MYMX: variants seen among roughly 807,000 people sequenced by gnomAD.
MYMX encodes the protein protein myomixer.
the MYMX span, among the ~76,000 whole-genome samples, chr6:44,209,474 G>A: frequency 3.2e-3 from 490 of 152,262 alleles, 5 homozygotes; most frequent in African/African-American, 0.011. Flanking sequence ...CAACATTCAC[G>A]TGCTGTAAAA....
At chr6:44,207,827 G>A in the MYMX span, among the ~76,000 whole-genome samples, 12 of 152,140 alleles carry the variant, frequency 7.9e-5, no homozygotes, top group African/African-American at 1.4e-4. Flanking sequence ...CACTGTGCCC[G>A]GTCAGTAAAG....
chr6:44,205,808 C>CAA, the MYMX span, among the ~76,000 whole-genome samples: 3 of 148,734 alleles, frequency 2.0e-5, no homozygotes, highest in Admixed American at 6.7e-5. Context: ...GACTTCTTCT[C>CAA]AAAAAAAAAG....
At chr6:44,211,788 T>TTGTGTGTG in the MYMX span, among the ~76,000 whole-genome samples, 16,943 of 126,282 alleles carry the variant, frequency 0.13, 1,326 homozygotes, top group Middle Eastern at 0.21. Context: ...CAGCTAGGTT[T>TTGTGTGTG]TGTGTGTGTG....
chr6:44,206,005 A>AC, the MYMX span, among the ~76,000 whole-genome samples: 1 of 149,636 alleles, frequency 6.7e-6, no homozygotes, highest in African/African-American at 2.5e-5. Flanking sequence ...AAACAAAAAA[A>AC]AACCTCATTT....
chr6:44,214,928 C>A (rs1489650822), upstream of MYMX, among the ~76,000 whole-genome samples: 2 of 152,128 alleles, frequency 1.3e-5, no homozygotes, highest in Non-Finnish European at 2.9e-5. Flanking sequence ...TGTGTGTACC[C>A]AATGCACCTG....
the MYMX span, among the ~76,000 whole-genome samples, chr6:44,199,670 A>G: frequency 2.0e-5 from 3 of 146,616 alleles, no homozygotes; most frequent in African/African-American, 7.7e-5. Context: ...TGAATTTCTA[A>G]TTAATTTGGG....
rs1299397620 is a variant in MYMX, at chr6:44,217,560, T to G, written c.89T>G (p.Leu30Arg). Residue 30 changes from leucine to arginine, a missense_variant, in exon 2 of 2, where the codon CTG (leucine) becomes CGG (arginine). Transcript: ENST00000573382. ...PAARLARQYL[L>R]PLLRRLARRL... ...GCCCGCCTGGCCCGCCAATACCTCC[T>G]GCCCCTGCTGCGCCGATTGGCCCGC... 1 of 404,016 alleles carries G rather than the reference T, an allele frequency of 2.5e-6. No individual in the cohort carries two copies. Among genetic ancestry groups the G allele is most frequent in the African/African-American group, 2.1e-5 (1 of 48,750 alleles). 25.0% of individuals were successfully genotyped at this position (404,016 alleles called of 1,614,324 possible).
At chr6:44,211,790 G>T in the MYMX span, among the ~76,000 whole-genome samples, 3 of 137,606 alleles carry the variant, frequency 2.2e-5, no homozygotes, top group African/African-American at 9.2e-5. Flanking sequence ...GCTAGGTTTT[G>T]TGTGTGTGTG....
chr6:44,196,466 G>A, the MYMX span, among the ~76,000 whole-genome samples: 1 of 152,080 alleles, frequency 6.6e-6, no homozygotes, highest in African/African-American at 2.4e-5. Context: ...ATCACCTGAG[G>A]TCAGGAGTTT....
chr6:44,205,037 A>C, the MYMX span, among the ~76,000 whole-genome samples: 3 of 152,086 alleles, frequency 2.0e-5, no homozygotes, highest in Non-Finnish European at 2.9e-5. Flanking sequence ...GGTTTATTTG[A>C]TTTGGCCAAC....
chr6:44,213,114 C>T (rs1054527473), upstream of MYMX, among the ~76,000 whole-genome samples: 2 of 152,078 alleles, frequency 1.3e-5, no homozygotes, highest in Admixed American at 1.3e-4. Context: ...GGCTGTGCGC[C>T]GTGGCTCACG....
chr6:44,193,839 C>A, the MYMX span, among the ~76,000 whole-genome samples: 1 of 152,148 alleles, frequency 6.6e-6, no homozygotes, highest in East Asian at 1.9e-4. Flanking sequence ...ACAAAGTTAG[C>A]CGGGCGTGGT....
Position 44,217,612 on chromosome 6 carries a change from G to A in MYMX, c.141G>A (p.Glu47=). Residue 47 remains glutamate, a synonymous_variant, in exon 2 of 2, where the codon GAG becomes GAA. Transcript: ENST00000573382. ...ARRLGSQDMR[E]ALLGCLLFIL... is the part of the protein sequence containing the mutation. ...GCCTGGGCTCCCAGGACATGCGAGA[G>A]GCTTTGCTGGGCTGTCTGCTGTTCA... is the stretch of plus-strand genomic sequence containing the variant. 1 of 401,384 alleles carries A rather than the reference G, an allele frequency of 2.5e-6. No homozygotes were observed. Among genetic ancestry groups the A allele is most frequent in the East Asian group, 3.6e-5 (1 of 28,082 alleles). The allele number at this position is 401,384 out of a possible 1,614,324, so 24.9% of individuals were successfully genotyped here.
chr6:44,211,742 T>C, the MYMX span, among the ~76,000 whole-genome samples: 1 of 150,868 alleles, frequency 6.6e-6, no homozygotes, highest in African/African-American at 2.4e-5. Context: ...CTGAGCCTCC[T>C]GCGTAGCTGG....
chr6:44,215,467 C>T (rs1258771682), upstream of MYMX, among the ~76,000 whole-genome samples: 2 of 152,078 alleles, frequency 1.3e-5, no homozygotes, highest in South Asian at 2.1e-4. Context: ...GTCCCAGCAA[C>T]TCGGGAGACT....
chr6:44,193,143 C>T, the MYMX span, among the ~76,000 whole-genome samples: 1 of 152,102 alleles, frequency 6.6e-6, no homozygotes, highest in Admixed American at 6.6e-5. Flanking sequence ...GAAGAGAACA[C>T]TCAGGGGAAA....
chr6:44,194,807 T>C, the MYMX span, among the ~76,000 whole-genome samples: 2 of 152,058 alleles, frequency 1.3e-5, no homozygotes, highest in South Asian at 4.1e-4. Context: ...GGGAAAAAGA[T>C]GGAAGAGAGT....
At chr6:44,209,928 T>C in the MYMX span, 2 of 66,596 alleles carry the variant, frequency 3.0e-5, no homozygotes, top group African/African-American at 2.7e-4. Flanking sequence ...AAAAAAAGTA[T>C]ATATATATAT....
At chr6:44,206,937 T>G in the MYMX span, among the ~76,000 whole-genome samples, 13 of 152,298 alleles carry the variant, frequency 8.5e-5, no homozygotes, top group East Asian at 2.3e-3. Context: ...GGTGTTTGTC[T>G]TAATAAGAGG....
Sources: gnomAD v4.1 joint callset for allele counts (sites outside exome capture counted in the v4.1 genomes callset) on GRCh38, gnomAD v4.1.1 for gene constraint, MANE v1.5 for transcripts, NCBI Gene and HGNC (gene_info 2026-07-23, HGNC 2026-07-21) for gene names.